The following ATP6V1C1 variants were observed in gnomAD, a reference collection of about 807,000 sequenced individuals.
ATP6V1C1 encodes the protein ATPase H+ transporting V1 subunit C1, also known as V-type proton ATPase subunit C 1.
A neutral mutation model predicts 53.9 loss-of-function variants in ATP6V1C1; 45 were observed. That is an observed-to-expected ratio of 0.83 (90% CI 0.66 to 1.07). ATP6V1C1 has a LOEUF of 1.07. ATP6V1C1 is among the 50% of genes least tolerant of loss of function. The pLI, the probability that ATP6V1C1 is intolerant of heterozygous loss-of-function variation, is 0.00. For missense variants in ATP6V1C1, 315 were observed against 440.3 expected (o/e 0.72, Z 2.55); for synonymous variants, 153 against 155.2 (o/e 0.99, Z 0.11).
At chr8:103,037,543 G>A (rs1234636559) in intron 1 of ATP6V1C1, among the ~76,000 whole-genome samples, 2 of 151,966 alleles carry the variant, frequency 1.3e-5, no homozygotes, top group African/African-American at 2.4e-5. Context: ...ATTTCTACTA[G>A]GTGTAAAACA....
At chr8:103,048,999 C>G in intron 4 of ATP6V1C1, 44 bp downstream of exon 4, 2 of 1,541,306 alleles carry the variant, frequency 1.3e-6, no homozygotes, top group East Asian at 4.5e-5. Flanking sequence ...TCATACAAAG[C>G]AAATAACTAA....
intron 1 of ATP6V1C1, among the ~76,000 whole-genome samples, chr8:103,033,082 G>C (rs1433500093): frequency 6.6e-6 from 1 of 152,182 alleles, no homozygotes; most frequent in Non-Finnish European, 1.5e-5. Context: ...GTACAAAAGA[G>C]TATCTAATGC....
At chr8:103,022,427 G>A (rs1040242557) in intron 1 of ATP6V1C1, among the ~76,000 whole-genome samples, 6 of 152,076 alleles carry the variant, frequency 3.9e-5, no homozygotes, top group African/African-American at 1.5e-4. Context: ...CAAATAATGT[G>A]TACTGAATAC....
At chr8:103,067,273 C>T (rs1817508953) in intron 12 of ATP6V1C1, among the ~76,000 whole-genome samples, 1 of 151,702 alleles carries the variant, frequency 6.6e-6, no homozygotes, top group Admixed American at 6.6e-5. Context: ...GCAGCGGTCA[C>T]CTATAATCCC....
In ATP6V1C1 at chr8:103,070,378, A is replaced by T. The variant is rs1233880701; in HGVS notation, c.*1631A>T. 2 of 152,192 alleles carry T rather than the reference A, an allele frequency of 1.3e-5. No individual in the cohort carries two copies. The highest frequency in any genetic ancestry group is 2.9e-5 in the Non-Finnish European group (2 of 68,034). 9.4% of individuals were successfully genotyped at this position (152,192 alleles called of 1,614,324 possible). A position where few individuals can be genotyped will look rare whatever the true frequency, so the allele number is the denominator to read the frequency against. On this transcript the variant is annotated 3_prime_UTR_variant, in exon 13 of 13. Coordinates refer to ENST00000518738, the MANE Select transcript of ATP6V1C1 (RefSeq NM_001695.5). ...TAGGTTATGTACACTTAAGTTTTTG[A>T]CACTCACTGCCAAGTCATCTGTCAG...
intron 8 of ATP6V1C1, among the ~76,000 whole-genome samples, chr8:103,059,950 T>C (rs1414406934): frequency 1.3e-5 from 2 of 151,364 alleles, no homozygotes; most frequent in Admixed American, 1.3e-4. Flanking sequence ...CATATATGTA[T>C]ATATATATTG....
Position 103,054,001 on chromosome 8 carries a change from A to G in ATP6V1C1, c.572+19A>G. 6.3e-7 allele frequency: 1 copy of G among 1,576,934 alleles called. No individual in the cohort carries two copies. Among genetic ancestry groups the G allele is most frequent in the South Asian group, 1.2e-5 (1 of 86,548 alleles). ...TTCCCAAGTAAGTCTTTCTATTATAAAAGGTTTTACTTGTTAAAATACAAG... is the reference window on the plus strand; with the variant it reads ...TTCCCAAGTAAGTCTTTCTATTATAGAAGGTTTTACTTGTTAAAATACAAG... On this transcript the variant is annotated intron_variant, in intron 7 of 12. Coordinates refer to ENST00000518738, the MANE Select transcript of ATP6V1C1 (RefSeq NM_001695.5).
intron 1 of ATP6V1C1, among the ~76,000 whole-genome samples, chr8:103,026,619 C>T (rs557130862): frequency 2.6e-5 from 4 of 152,098 alleles, no homozygotes; most frequent in Admixed American, 2.0e-4. Context: ...TCAAGACCAG[C>T]CTGGCCAACA....
rs1291344908 is a variant in ATP6V1C1, at chr8:103,062,938, T to G, written c.642-17T>G. The G allele has an allele frequency of 8.7e-7, 1 of 1,146,334 alleles. No homozygotes were observed. Among genetic ancestry groups the G allele is most frequent in the African/African-American group, 1.6e-5 (1 of 61,984 alleles). 71.0% of individuals were successfully genotyped at this position (1,146,334 alleles called of 1,614,324 possible). On this transcript the variant is annotated splice_polypyrimidine_tract_variant and intron_variant, in intron 8 of 12. Coordinates refer to ENST00000518738, the MANE Select transcript of ATP6V1C1 (RefSeq NM_001695.5). ...AATACGTATAAATCTTTAAATGGAC[T>G]TTTTTTTTTTCCATAGTGTTCTTTC...
chr8:103,060,367 T>C (rs1251020741), intron 8 of ATP6V1C1, among the ~76,000 whole-genome samples: 2 of 152,240 alleles, frequency 1.3e-5, no homozygotes, highest in Admixed American at 1.3e-4. Context: ...TTCTTCTCTT[T>C]TTTGTCTTTC....
At chr8:103,052,279 TAAC>T (rs1817214888) in intron 5 of ATP6V1C1, among the ~76,000 whole-genome samples, 1 of 152,122 alleles carries the variant, frequency 6.6e-6, no homozygotes, top group South Asian at 2.1e-4. Context: ...ACAGCTTTTG[TAAC>T]ATTTATGAAT....
chr8:103,043,523 G>A (rs930110348), intron 3 of ATP6V1C1, among the ~76,000 whole-genome samples: 1 of 151,686 alleles, frequency 6.6e-6, no homozygotes, highest in Non-Finnish European at 1.5e-5. Flanking sequence ...AGTAGAGACG[G>A]GGTTTCACCA....
chr8:103,038,327 G>A (rs554468744), intron 1 of ATP6V1C1, among the ~76,000 whole-genome samples: 2 of 152,262 alleles, frequency 1.3e-5, no homozygotes, highest in South Asian at 2.1e-4. Flanking sequence ...GGCCTCTTGA[G>A]GTCTGAGCCC....
At chr8:103,038,389 A>G (rs1032479854) in intron 1 of ATP6V1C1, among the ~76,000 whole-genome samples, 2 of 152,190 alleles carry the variant, frequency 1.3e-5, no homozygotes, top group African/African-American at 4.8e-5. Flanking sequence ...ACCAAGTCAC[A>G]AGGCCAGCTC....
chr8:103,045,940 CAAAAA>C, intron 3 of ATP6V1C1, among the ~76,000 whole-genome samples: 1 of 141,686 alleles, frequency 7.1e-6, no homozygotes, highest in East Asian at 2.1e-4. Flanking sequence ...GACTCCGTTT[CAAAAA>C]AAAAAGAAAA....
chr8:103,062,922 A>G (rs773030797), intron 8 of ATP6V1C1, 33 bp from the exon 9 acceptor site: 10 of 1,593,926 alleles, frequency 6.3e-6, no homozygotes, highest in African/African-American at 4.0e-5. Flanking sequence ...CAATACGTAT[A>G]AATCTTTAAA....
chr8:103,035,700 A>C (rs181285262), intron 1 of ATP6V1C1, among the ~76,000 whole-genome samples: 86 of 152,240 alleles, frequency 5.6e-4, no homozygotes, highest in African/African-American at 1.7e-3. Flanking sequence ...GCTGGGTGAA[A>C]AGATGTGTCG....
chr8:103,065,008 GAA>G (rs1817463778), intron 11 of ATP6V1C1, among the ~76,000 whole-genome samples, 197 bp downstream of exon 11: 1 of 152,150 alleles, frequency 6.6e-6, no homozygotes, highest in African/African-American at 2.4e-5. Flanking sequence ...ACCAGGTTTA[GAA>G]AAAGAGATTT....
At chr8:103,063,344 A>AT in intron 10 of ATP6V1C1, 116 bp downstream of exon 10, 4 of 675,554 alleles carry the variant, frequency 5.9e-6, no homozygotes, top group Admixed American at 3.3e-5. Context: ...ATTTGATTTT[A>AT]GTTTTTTTTT....
Sources: allele counts gnomAD v4.1 joint callset (sites outside exome capture counted in the v4.1 genomes callset), GRCh38; gene constraint gnomAD v4.1.1; transcripts MANE v1.5; gene names NCBI Gene and HGNC (gene_info 2026-07-23, HGNC 2026-07-21).